The following PAX9 variants were observed in gnomAD, a reference collection of about 807,000 sequenced individuals.
PAX9 encodes paired box protein Pax-9.
In PAX9, 6 loss-of-function variants were observed where a neutral mutation model predicts 29.1. The observed-to-expected ratio is 0.21, with a 90% confidence interval of 0.11 to 0.41. The LOEUF (loss-of-function observed/expected upper bound fraction) is 0.41, where lower values mean the gene tolerates loss of function less well. PAX9 is among the 10% of genes least tolerant of loss of function. The pLI is 1.00. For synonymous variants in PAX9, 217 were observed against 211.7 expected (o/e 1.03, Z -0.22); for missense variants, 443 against 479.1 (o/e 0.92, Z 0.70).
chr14:36,663,402 C>T lies in PAX9; in HGVS notation c.510C>T (p.Ala170=), dbSNP rs1439842930. The change falls in exon 2 of 4, where the codon GCC becomes GCT. Residue 170 remains alanine, a synonymous_variant. Coordinates refer to ENST00000361487, the MANE Select transcript of PAX9 (RefSeq NM_001372076.1). ...YSYPSPITAA[A]AKVPTPPGVP... ...ACCCCAGCCCTATCACGGCGGCGGC[C>T]GCCAAGGTGCCCACGCCACCCGGGG... 6.2e-7 allele frequency: 1 copy of T among 1,613,160 alleles called. No individual in the cohort carries two copies. Among genetic ancestry groups the T allele is most frequent in the African/African-American group, 1.3e-5 (1 of 74,930 alleles).
chr14:36,661,745 T>C (rs1312985291), upstream of PAX9: 2 of 428,618 alleles, frequency 4.7e-6, no homozygotes, highest in East Asian at 8.8e-5. Flanking sequence ...AGGAGTTTCC[T>C]GGACTGCGCT....
At chr14:36,658,642 C>T (rs1420966022), upstream of PAX9, 1 of 152,208 alleles carries the variant, frequency 6.6e-6, no homozygotes, top group Non-Finnish European at 1.5e-5. Context: ...TTGGGTCTGA[C>T]TTCGGCAGCC....
chr14:36,676,246 A>C lies in PAX9; in HGVS notation c.820A>C (p.Met274Leu). ...AVGSFVSASS[M>L]APYPTPAQVS... ...GGGCAGTTTTGTGTCAGCATCCAGC[A>C]TGGCTCCTTACCCTACCCCAGCCCA... The change falls in exon 4 of 4, where the codon ATG becomes CTG. Residue 274 changes from methionine (M) to leucine (L), a missense_variant. Physicochemically the swap from Met to Leu is conservative, Grantham distance 15. Coordinates refer to ENST00000361487, the MANE Select transcript of PAX9 (RefSeq NM_001372076.1). 1 of 1,614,132 alleles carries C rather than the reference A, an allele frequency of 6.2e-7. No homozygotes were observed. The highest frequency in any genetic ancestry group is 8.5e-7 in the Non-Finnish European group (1 of 1,180,018).
Position 36,661,950 on chromosome 14 carries a change from C to A in PAX9, c.-140C>A. 2.0e-6 allele frequency: 2 copies of A among 1,001,308 alleles called. No individual in the cohort carries two copies. The highest frequency in any genetic ancestry group is 1.4e-5 in the South Asian group (1 of 72,552). The allele number at this position is 1,001,308 out of a possible 1,614,324, so 62.0% of individuals were successfully genotyped here. A position where few individuals can be genotyped will look rare whatever the true frequency, so the allele number is the denominator to read the frequency against. On this transcript the variant is annotated 5_prime_UTR_variant, in exon 1 of 4. Transcript: ENST00000361487. Reference sequence around the variant, plus strand: ...CTTCCTTTTACTTCTTCCTTTTGCCCTCTCGCCTCCTCCTCCTGGGAAGAA... The same window carrying A: ...CTTCCTTTTACTTCTTCCTTTTGCCATCTCGCCTCCTCCTCCTGGGAAGAA...
At position 36,678,921 on chromosome 14, in the gene PAX9, A is replaced by G; in HGVS notation, c.*2469A>G. The G allele has an allele frequency of 1.0e-6, 1 of 979,926 alleles. No individual in the cohort carries two copies. The highest frequency in any genetic ancestry group is 1.2e-6 in the Non-Finnish European group (1 of 824,518). The allele number at this position is 979,926 out of a possible 1,614,324, so 60.7% of individuals were successfully genotyped here. ...GCCACTTTTTAAAATACGAGAAGGA[A>G]AATAGGATGGATTAAAGGGTTAACT... On this transcript the variant is annotated 3_prime_UTR_variant, in exon 4 of 4. Coordinates refer to ENST00000361487, the MANE Select transcript of PAX9 (RefSeq NM_001372076.1).
intron 2 of PAX9, 104 bp downstream of exon 2, chr14:36,663,627 CT>C: frequency 2.1e-6 from 3 of 1,449,606 alleles, no homozygotes; most frequent in Admixed American, 1.9e-5. Context: ...TTCCCACCAC[CT>C]GAGGCTTTTT....
intron 2 of PAX9, among the ~76,000 whole-genome samples, chr14:36,664,125 A>G (rs1881399468): frequency 6.6e-6 from 1 of 152,220 alleles, no homozygotes; most frequent in South Asian, 2.1e-4. Flanking sequence ...GAGGTCCCGA[A>G]GTTACTACTA....
chr14:36,661,850 T>C (rs571244070), upstream of PAX9: 4 of 602,460 alleles, frequency 6.6e-6, no homozygotes, highest in Non-Finnish European at 8.9e-6. Flanking sequence ...GGAGCCGCCC[T>C]GCCCTGCTCA....
In PAX9 at chr14:36,676,349, C is replaced by A. The variant is rs1383311522; in HGVS notation, c.923C>A (p.Thr308Asn). 1 of 1,614,086 alleles carries A rather than the reference C, an allele frequency of 6.2e-7. No homozygotes were observed. Among genetic ancestry groups the A allele is most frequent in the Non-Finnish European group, 8.5e-7 (1 of 1,180,010 alleles). Reference sequence around the variant, plus strand: ...CATGGGTGGCAACATGCTGGGGGCACCTCATTGTCTCCCCACAACTGTGAC... The same window carrying A: ...CATGGGTGGCAACATGCTGGGGGCAACTCATTGTCTCCCCACAACTGTGAC... ...AGHGWQHAGG[T>N]SLSPHNCDIP... Residue 308 changes from threonine to asparagine, a missense_variant, in exon 4 of 4, where the codon ACC becomes AAC. This residue lies in a region of PAX9 where 336 missense variants were observed against 317.2 expected (regional missense o/e 1.06). Coordinates refer to ENST00000361487, the MANE Select transcript of PAX9 (RefSeq NM_001372076.1).
intron 2 of PAX9, among the ~76,000 whole-genome samples, chr14:36,665,693 T>C (rs1442718765): frequency 6.6e-6 from 1 of 152,164 alleles, no homozygotes; most frequent in African/African-American, 2.4e-5. Flanking sequence ...CCTATTTCAT[T>C]TTCTCTTTCT....
At chr14:36,661,160 G>A (rs1281443801), upstream of PAX9, among the ~76,000 whole-genome samples, 4 of 152,242 alleles carry the variant, frequency 2.6e-5, no homozygotes, top group Non-Finnish European at 5.9e-5. Flanking sequence ...GCCGCCTGTG[G>A]TTCAGTTCCC....
At chr14:36,665,136 T>A (rs1208620378) in intron 2 of PAX9, among the ~76,000 whole-genome samples, 1 of 139,952 alleles carries the variant, frequency 7.1e-6, no homozygotes, top group African/African-American at 2.7e-5. Context: ...CTCAATCTAA[T>A]TCTTGGGGGT....
chr14:36,666,258 C>T (rs919032269), intron 2 of PAX9: 2 of 623,560 alleles, frequency 3.2e-6, no homozygotes, highest in Non-Finnish European at 5.6e-6. Context: ...GAAAGGCCTA[C>T]TCTGAGGGGA....
chr14:36,661,326 G>C (rs2139105547), upstream of PAX9, among the ~76,000 whole-genome samples: 2 of 152,344 alleles, frequency 1.3e-5, no homozygotes, highest in South Asian at 4.1e-4. Flanking sequence ...CAACCTCCTG[G>C]TTTCTTTGGC....
Position 36,676,665 on chromosome 14 carries a change from T to C in PAX9, c.*213T>C. On this transcript the variant is annotated 3_prime_UTR_variant, in exon 4 of 4. Transcript: ENST00000361487. The stretch of plus-strand genomic sequence containing the variant: ...GAAAAACTGACATGACTTTAGGATT[T>C]AAAAACAAGAGCAACAATAAGCATT... 2 of 614,500 alleles carry C rather than the reference T, an allele frequency of 3.3e-6. No homozygotes were observed. The highest frequency in any genetic ancestry group is 5.8e-6 in the Non-Finnish European group (2 of 346,286). The allele number at this position is 614,500 out of a possible 1,614,324, so 38.1% of individuals were successfully genotyped here.
rs1566480255 is a variant in PAX9 at position 36,677,181 on chromosome 14, C to T, written c.*729C>T. On this transcript the variant is annotated 3_prime_UTR_variant, in exon 4 of 4. Transcript: ENST00000361487. ...ATTCCCCTCCCCTCAGCCCCACCCC[C>T]TCTCTATTTTTTTCTTTCTTTTTTG... 6.6e-6 allele frequency: 1 copy of T among 152,324 alleles called. No homozygotes were observed. Among genetic ancestry groups the T allele is most frequent in the East Asian group, 1.9e-4 (1 of 5,188 alleles). 9.4% of individuals were successfully genotyped at this position (152,324 alleles called of 1,614,324 possible). A position where few individuals can be genotyped will look rare whatever the true frequency, so the allele number is the denominator to read the frequency against.
chr14:36,673,479 A>C (rs1881769458), intron 3 of PAX9, among the ~76,000 whole-genome samples: 1 of 151,420 alleles, frequency 6.6e-6, no homozygotes, highest in Non-Finnish European at 1.5e-5. Context: ...AATTCCAGGA[A>C]CATTATCTAA....
In PAX9 at chr14:36,678,290, A is replaced by C; in HGVS notation, c.*1838A>C. 1.7e-6 allele frequency: 1 copy of C among 574,632 alleles called. No homozygotes were observed. 35.6% of individuals were successfully genotyped at this position (574,632 alleles called of 1,614,324 possible). On this transcript the variant is annotated 3_prime_UTR_variant, in exon 4 of 4. Coordinates refer to ENST00000361487, the MANE Select transcript of PAX9 (RefSeq NM_001372076.1). ...CTGACACACAAATTATGTTAGAGTG[A>C]CTGCTTTTTTCAGACAGCAGATATC... is the stretch of plus-strand genomic sequence containing the variant.
Position 36,662,107 on chromosome 14 carries a change from G to A in PAX9, c.4+14G>A, listed in dbSNP as rs1300079592. The A allele has an allele frequency of 6.5e-7, 1 of 1,537,516 alleles. No individual in the cohort carries two copies. Among genetic ancestry groups the A allele is most frequent in the Non-Finnish European group, 8.8e-7 (1 of 1,139,738 alleles). ...TCGGAGCAATGGGTGAGTGGCGGCG[G>A]GGGACTCTGTCAGAGCCGGGAAGGG... On this transcript the variant is annotated intron_variant, in intron 1 of 3. Transcript: ENST00000361487.
Sources: allele counts gnomAD v4.1 joint callset (sites outside exome capture counted in the v4.1 genomes callset), GRCh38; gene constraint gnomAD v4.1.1; regional missense constraint gnomAD v4.1.1; transcripts MANE v1.5; gene names NCBI Gene and HGNC (gene_info 2026-07-23, HGNC 2026-07-21).